Variants in RAE1 observed in about 807,000 individuals in gnomAD.
The protein encoded by RAE1 is mRNA export factor RAE1.
Under a neutral mutation model 52.7 loss-of-function variants are expected in RAE1, and 13 were observed. The observed-to-expected ratio is 0.25, with a 90% CI of 0.16 to 0.39. The LOEUF is 0.39. Among genes scored for constraint, RAE1 ranks in the 10% least tolerant of loss-of-function variants. The pLI, the probability that RAE1 is intolerant of heterozygous loss-of-function variation, is 1.00. For synonymous variants in RAE1, 164 were observed against 153.1 expected (o/e 1.07, Z -0.52); for missense variants, 262 against 459.8 (o/e 0.57, Z 3.93).
rs1026643610 is a variant in RAE1, at chr20:57,368,866, A to G, written c.642+54A>G. ...GTATTTAGCACCTGTTGTATGCAAGATTGTGCTCACATCTGGAATACAGTT... is the reference window on the plus strand; with the variant it reads ...GTATTTAGCACCTGTTGTATGCAAGGTTGTGCTCACATCTGGAATACAGTT... On this transcript the variant is annotated intron_variant, in intron 8 of 11. Transcript: ENST00000395841. 3.6e-6 allele frequency: 5 copies of G among 1,407,876 alleles called. No homozygotes were observed. The Admixed American group carries it at 5.5e-5, about 15-fold the overall frequency. 87.2% of individuals were successfully genotyped at this position (1,407,876 alleles called of 1,614,324 possible). A position where few individuals can be genotyped will look rare whatever the true frequency, so the allele number is the denominator to read the frequency against.
chr20:57,363,924 A>G (rs2066921514), intron 4 of RAE1, among the ~76,000 whole-genome samples: 1 of 152,224 alleles, frequency 6.6e-6, no homozygotes, highest in Non-Finnish European at 1.5e-5. Context: ...AAGGATTAGC[A>G]CAGTGCTGTC....
At chr20:57,357,215 T>G (rs544656442) in intron 4 of RAE1, among the ~76,000 whole-genome samples, 1 of 152,218 alleles carries the variant, frequency 6.6e-6, no homozygotes, top group Non-Finnish European at 1.5e-5. Flanking sequence ...GTTCTAGATA[T>G]AGAACAGATC....
chr20:57,358,973 G>T, intron 4 of RAE1: 2 of 1,471,060 alleles, frequency 1.4e-6, no homozygotes, highest in Non-Finnish European at 1.8e-6. Flanking sequence ...GTTTATATCC[G>T]CCTCTTCACG....
In RAE1 at chr20:57,379,072, T is replaced by G. The variant is rs1280193023; in HGVS notation, c.*973T>G. 6.6e-6 allele frequency: 1 copy of G among 152,246 alleles called. No homozygotes were observed. The highest frequency in any genetic ancestry group is 1.5e-5 in the Non-Finnish European group (1 of 68,044). 9.4% of individuals were successfully genotyped at this position (152,246 alleles called of 1,614,324 possible). A position where few individuals can be genotyped will look rare whatever the true frequency, so the allele number is the denominator to read the frequency against. ...CTCACCTGTGATCTCAAATGCTTCT[T>G]AGGCCTTTCTGTTTGGACTAATGTG... On this transcript the variant is annotated 3_prime_UTR_variant, in exon 12 of 12. Transcript: ENST00000395841.
intron 11 of RAE1, among the ~76,000 whole-genome samples, chr20:57,377,402 C>T (rs575479638): frequency 2.5e-4 from 38 of 152,330 alleles, no homozygotes; most frequent in African/African-American, 9.1e-4. Flanking sequence ...TGGGGAATAA[C>T]GTTCAAAGGC....
intron 2 of RAE1, 54 bp from the exon 3 acceptor site, chr20:57,354,658 T>C (rs2146127015): frequency 1.5e-6 from 2 of 1,312,490 alleles, no homozygotes; most frequent in East Asian, 2.7e-5. Flanking sequence ...AGAAAACAAT[T>C]TGGAATGAAG....
At chr20:57,359,851 TC>T (rs1177813194) in intron 4 of RAE1, 1 of 152,268 alleles carries the variant, frequency 6.6e-6, no homozygotes, top group Non-Finnish European at 1.5e-5. Context: ...AGTTCTTTCA[TC>T]CTTCCCTTAC....
chr20:57,369,175 A>G (rs2066998806), intron 8 of RAE1, among the ~76,000 whole-genome samples: 1 of 152,250 alleles, frequency 6.6e-6, no homozygotes, highest in Non-Finnish European at 1.5e-5. Context: ...AGCGTCTTAC[A>G]ACGATCTTAA....
chr20:57,361,604 C>T (rs749927100), intron 4 of RAE1, among the ~76,000 whole-genome samples: 4 of 152,150 alleles, frequency 2.6e-5, no homozygotes, highest in Non-Finnish European at 5.9e-5. Flanking sequence ...CATGAATTAA[C>T]ACCTTATGGT....
In RAE1 at chr20:57,374,874, C is replaced by G. The variant is rs762244212; in HGVS notation, c.1020+73C>G. 9 of 1,548,222 alleles carry G rather than the reference C, an allele frequency of 5.8e-6. No homozygotes were observed. The Admixed American group carries it at 1.5e-4, about 26-fold the overall frequency. On this transcript the variant is annotated intron_variant, in intron 11 of 11. Transcript: ENST00000395841. ...GGCTCTGGGTTCAGAAGGCCTAGGC[C>G]TGAGTTGTGACTCTTCTCAGGACTC...
At chr20:57,372,069 A>T (rs953847929) in intron 8 of RAE1, 2 of 152,160 alleles carry the variant, frequency 1.3e-5, no homozygotes, top group Admixed American at 1.3e-4. Flanking sequence ...ATTAAACAAG[A>T]TGAGAATGTT....
intron 4 of RAE1, among the ~76,000 whole-genome samples, chr20:57,360,441 G>T (rs1285203699): frequency 1.3e-5 from 2 of 152,192 alleles, no homozygotes; most frequent in Admixed American, 1.3e-4. Context: ...ACGTATCGGG[G>T]TTTATTGATT....
chr20:57,354,649 G>A, intron 2 of RAE1, 63 bp from the exon 3 acceptor site: 1 of 1,255,674 alleles, frequency 8.0e-7, no homozygotes, highest in Non-Finnish European at 1.1e-6. Context: ...TAGTGAGAAA[G>A]AAAACAATTT....
intron 4 of RAE1, among the ~76,000 whole-genome samples, chr20:57,360,947 T>C (rs1029442672): frequency 6.6e-6 from 1 of 152,160 alleles, no homozygotes; most frequent in Non-Finnish European, 1.5e-5. Flanking sequence ...GCATGTGTAA[T>C]CTTACAAAGA....
intron 8 of RAE1, chr20:57,373,175 G>A (rs148889664): frequency 2.7e-5 from 10 of 373,950 alleles, no homozygotes; most frequent in African/African-American, 6.3e-5. Flanking sequence ...AGGCAGGGCC[G>A]CTGTCTGCCT....
intron 8 of RAE1, chr20:57,373,076 C>T (rs923369627): frequency 1.7e-5 from 4 of 240,298 alleles, no homozygotes; most frequent in Non-Finnish European, 2.5e-5. Context: ...AGCCTGCATC[C>T]CTCCTCCAGC....
chr20:57,375,535 C>T (rs2067101179), intron 11 of RAE1, among the ~76,000 whole-genome samples: 1 of 152,152 alleles, frequency 6.6e-6, no homozygotes, highest in African/African-American at 2.4e-5. Flanking sequence ...TCCTTCCACC[C>T]TCATGGCTCT....
intron 5 of RAE1, 66 bp from the exon 6 acceptor site, chr20:57,366,741 C>A (rs985016505): frequency 1.4e-6 from 2 of 1,445,002 alleles, no homozygotes; most frequent in Admixed American, 3.5e-5. Context: ...TGAATTGCCA[C>A]AACTAAAGCT....
At chr20:57,356,830 C>T (rs886248196) in intron 4 of RAE1, among the ~76,000 whole-genome samples, 3 of 152,234 alleles carry the variant, frequency 2.0e-5, no homozygotes, top group African/African-American at 7.2e-5. Flanking sequence ...TGCCAAGCTG[C>T]AGTGGGCGGG....
Sources: gnomAD v4.1 joint callset for allele counts (sites outside exome capture counted in the v4.1 genomes callset) on GRCh38, gnomAD v4.1.1 for gene constraint, MANE v1.5 for transcripts, NCBI Gene and HGNC (gene_info 2026-07-23, HGNC 2026-07-21) for gene names.